Variants in SREBF2 observed in about 807,000 individuals in gnomAD.
SREBF2 encodes sterol regulatory element binding transcription factor 2, also known as sterol regulatory element-binding protein 2.
In SREBF2, 55 loss-of-function variants were observed where a neutral mutation model predicts 113.1. The ratio of observed to expected loss-of-function variants is 0.49; its 90% CI spans 0.39 to 0.61. The LOEUF (loss-of-function observed/expected upper bound fraction) is 0.61, where lower values mean the gene tolerates loss of function less well. SREBF2 is among the 20% of genes least tolerant of loss of function. The pLI is 0.00. For missense variants in SREBF2, 1,349 were observed against 1,487.4 expected (o/e 0.91, Z 1.53); for synonymous variants, 593 against 605.7 (o/e 0.98, Z 0.31).
Position 41,897,081 on chromosome 22 carries a change from A to G in SREBF2, c.2525A>G (p.Lys842Arg). 6.2e-7 allele frequency: 1 copy of G among 1,613,252 alleles called. No individual in the cohort carries two copies. Among genetic ancestry groups the G allele is most frequent in the Non-Finnish European group, 8.5e-7 (1 of 1,179,808 alleles). The change falls in exon 14 of 19, where the codon AAA (lysine) becomes AGA (arginine). Residue 842 changes from lysine (K) to arginine (R), a missense_variant. This residue lies in a region of SREBF2 where 650 missense variants were observed against 644.1 expected (regional missense o/e 1.01). Transcript: ENST00000361204. ...TTCTCCAGTGCTCTGGAGTACTTGA[A>G]ATTACTTCATTCTTTTGTGGACTCT... is the stretch of plus-strand genomic sequence containing the variant. The part of the protein sequence containing the change: ...CEFSSALEYL[K>R]LLHSFVDSVG...
Position 41,874,001 on chromosome 22 carries a change from C to A in SREBF2, c.1071C>A (p.Val357=). ...AAATCATCGAATTGAAAGACCTGGTCATGGGGACAGACGCCAAGGTGGGTG... is the reference window on the plus strand; with the variant it reads ...AAATCATCGAATTGAAAGACCTGGTAATGGGGACAGACGCCAAGGTGGGTG... The part of the protein sequence containing the change: ...NDKIIELKDL[V]MGTDAKMHKS... Residue 357 remains valine (V), a synonymous_variant, in exon 5 of 19, where the codon GTC becomes GTA. Transcript: ENST00000361204. 6.2e-7 allele frequency: 1 copy of A among 1,614,114 alleles called. No individual in the cohort carries two copies. The highest frequency in any genetic ancestry group is 1.1e-5 in the South Asian group (1 of 91,052).
intron 10 of SREBF2, among the ~76,000 whole-genome samples, chr22:41,884,154 G>A (rs1029819286): frequency 1.3e-5 from 2 of 152,050 alleles, no homozygotes; most frequent in Non-Finnish European, 2.9e-5. Context: ...GCTTTTTTGG[G>A]GGACAGAGTC....
intron 13 of SREBF2, among the ~76,000 whole-genome samples, chr22:41,896,294 C>G (rs1251911995): frequency 6.6e-6 from 1 of 152,210 alleles, no homozygotes; most frequent in African/African-American, 2.4e-5. Context: ...GTCCTTCTTT[C>G]ACAGAGTAAG....
chr22:41,891,420 C>T (rs2077361698), intron 11 of SREBF2: 1 of 152,172 alleles, frequency 6.6e-6, no homozygotes, highest in South Asian at 2.1e-4. Flanking sequence ...CACCCCACCT[C>T]ATCTCATAAG....
intron 1 of SREBF2, among the ~76,000 whole-genome samples, chr22:41,851,992 A>G (rs1344796561): frequency 6.6e-6 from 1 of 151,964 alleles, no homozygotes; most frequent in Non-Finnish European, 1.5e-5. Context: ...ATGGTAGCGG[A>G]TGCCTGTAGT....
Position 41,877,458 on chromosome 22 carries a change from G to A in SREBF2, c.1579+37G>A, listed in dbSNP as rs17848346. The A allele has an allele frequency of 0.054, 86,339 of 1,607,022 alleles. 3,656 individuals are homozygous for A. The highest frequency in any genetic ancestry group is 0.22 in the African/African-American group (16,718 of 74,852). On this transcript the variant is annotated intron_variant, in intron 8 of 18. Coordinates refer to ENST00000361204, the MANE Select transcript of SREBF2 (RefSeq NM_004599.4). The stretch of plus-strand genomic sequence containing the variant: ...CCCCTTGCCCCACCTGGGCATGGCT[G>A]GACCACTATGGCAGGAGAAGGACCC...
chr22:41,878,660 G>C (rs568495015), intron 9 of SREBF2: 1 of 1,303,482 alleles, frequency 7.7e-7, no homozygotes, highest in South Asian at 1.2e-5. Flanking sequence ...AATCAACAGG[G>C]AGTTTACGGA....
At chr22:41,864,715 GGAGGCCAAACC>G (rs2077059892) in intron 1 of SREBF2, among the ~76,000 whole-genome samples, 1 of 152,016 alleles carries the variant, frequency 6.6e-6, no homozygotes, top group Admixed American at 6.6e-5. Flanking sequence ...CAGCACTTTG[GGAGGCCAAACC>G]GAGAGGTTGC....
intron 16 of SREBF2, among the ~76,000 whole-genome samples, chr22:41,900,756 A>G (rs1602350136): frequency 6.6e-6 from 1 of 152,280 alleles, no homozygotes; most frequent in Middle Eastern, 3.4e-3. Flanking sequence ...GCTGGCCCAT[A>G]GCCTCTGTAA....
Position 41,878,138 on chromosome 22 carries a change from C to T in SREBF2, c.1761+15C>T, listed in dbSNP as rs768690705. 2.2e-5 allele frequency: 36 copies of T among 1,613,208 alleles called. No homozygotes were observed. The highest frequency in any genetic ancestry group is 2.0e-4 in the East Asian group (9 of 44,892). ...ATCTCGCCAGAGTGAGTTCTGTGTC[C>T]GCCCTTCCCCATCCTCCCCCAGACT... On this transcript the variant is annotated intron_variant, in intron 9 of 18. Coordinates refer to ENST00000361204, the MANE Select transcript of SREBF2 (RefSeq NM_004599.4).
chr22:41,899,491 C>CT, intron 15 of SREBF2: 5 of 993,404 alleles, frequency 5.0e-6, no homozygotes, highest in Non-Finnish European at 6.0e-6. Context: ...TCCTTAGAGC[C>CT]AAGGCTGTAG....
At chr22:41,876,970 T>G (rs1381902208) in intron 7 of SREBF2, among the ~76,000 whole-genome samples, 1 of 152,160 alleles carries the variant, frequency 6.6e-6, no homozygotes, top group Non-Finnish European at 1.5e-5. Flanking sequence ...TGTGGTAGAT[T>G]TCTATTTTAA....
intron 11 of SREBF2, among the ~76,000 whole-genome samples, chr22:41,891,667 CA>C (rs2077364032): frequency 6.6e-6 from 1 of 152,250 alleles, no homozygotes; most frequent in South Asian, 2.1e-4. Flanking sequence ...GACCATGAAA[CA>C]GCGCTGCTCC....
At chr22:41,879,227 A>C (rs960738791) in intron 9 of SREBF2, among the ~76,000 whole-genome samples, 1 of 152,222 alleles carries the variant, frequency 6.6e-6, no homozygotes, top group African/African-American at 2.4e-5. Flanking sequence ...TTAAAAGGAA[A>C]GGTTTGAACT....
At chr22:41,848,606 C>T (rs757080780) in intron 1 of SREBF2, among the ~76,000 whole-genome samples, 6 of 152,116 alleles carry the variant, frequency 3.9e-5, no homozygotes, top group Admixed American at 6.5e-5. Flanking sequence ...GGGGCAACCC[C>T]AGCGAGAAAC....
At chr22:41,898,902 G>C in intron 15 of SREBF2, 121 bp downstream of exon 15, 1 of 1,443,316 alleles carries the variant, frequency 6.9e-7, no homozygotes, top group Non-Finnish European at 9.4e-7. Context: ...CATGACAGGT[G>C]GGCGGCTAGA....
At chr22:41,848,336 C>T (rs1411499089) in intron 1 of SREBF2, among the ~76,000 whole-genome samples, 3 of 152,084 alleles carry the variant, frequency 2.0e-5, no homozygotes, top group Non-Finnish European at 2.9e-5. Flanking sequence ...ATCCGCCCAC[C>T]GTGGCCTCCC....
intron 1 of SREBF2, among the ~76,000 whole-genome samples, chr22:41,840,289 A>C (rs947638726): frequency 6.6e-6 from 1 of 152,144 alleles, no homozygotes; most frequent in Non-Finnish European, 1.5e-5. Flanking sequence ...CCTGTAACTA[A>C]TTTGCCCTAA....
At chr22:41,861,592 C>A (rs2077027831) in intron 1 of SREBF2, among the ~76,000 whole-genome samples, 1 of 151,414 alleles carries the variant, frequency 6.6e-6, no homozygotes, top group Admixed American at 6.6e-5. Flanking sequence ...CTAAATTTTT[C>A]TTTAGTGAAT....
Sources: allele counts gnomAD v4.1 joint callset (sites outside exome capture counted in the v4.1 genomes callset), GRCh38; gene constraint gnomAD v4.1.1; regional missense constraint gnomAD v4.1.1; transcripts MANE v1.5; gene names NCBI Gene and HGNC (gene_info 2026-07-23, HGNC 2026-07-21).